Variants in MRPL1 observed in about 807,000 individuals in gnomAD.
MRPL1 encodes the protein mitochondrial ribosomal protein L1.
MRPL1 carries 28 observed loss-of-function variants against 38.0 expected under a neutral mutation model. That is an observed-to-expected ratio of 0.74 (90% CI 0.55 to 1.01). The LOEUF (loss-of-function observed/expected upper bound fraction) is 1.01, where lower values mean the gene tolerates loss of function less well. MRPL1 is among the 50% of genes least tolerant of loss of function. The pLI is 0.00. For synonymous variants in MRPL1, 123 were observed against 126.7 expected (o/e 0.97, Z 0.20); for missense variants, 358 against 389.8 (o/e 0.92, Z 0.69).
intron 4 of MRPL1, among the ~76,000 whole-genome samples, chr4:77,887,005 A>G (rs1316318631): frequency 2.6e-5 from 4 of 151,778 alleles, no homozygotes; most frequent in African/African-American, 9.7e-5. Context: ...TGGCCAGGCT[A>G]GTCTTGAACT....
intron 6 of MRPL1, among the ~76,000 whole-genome samples, chr4:77,905,783 G>A (rs1482871841): frequency 2.0e-5 from 3 of 152,026 alleles, no homozygotes; most frequent in Admixed American, 6.6e-5. Flanking sequence ...TTTTAATGCA[G>A]AACTATTTCT....
In MRPL1 at chr4:77,878,226, G is replaced by A. The variant is rs114934653; in HGVS notation, c.144-5016G>A. ...TTCAAGAAAAGTTGTGATTTTTATC[G>A]AGCTCTTTCTCGTTGTTAATGGTCT... On this transcript the variant is annotated intron_variant, in intron 2 of 8. Coordinates refer to ENST00000315567, the MANE Select transcript of MRPL1 (RefSeq NM_020236.4). 5.4e-3 allele frequency among the ~76,000 whole-genome samples: 816 copies of A among 152,190 alleles called. 7 individuals are homozygous for A. The highest frequency in any genetic ancestry group is 0.018 in the African/African-American group (767 of 41,522).
chr4:77,903,474 G>A (rs530729517), intron 6 of MRPL1, among the ~76,000 whole-genome samples: 1 of 152,292 alleles, frequency 6.6e-6, no homozygotes, highest in South Asian at 2.1e-4. Context: ...GTACTGGATG[G>A]AGGTCAGTGA....
chr4:77,870,816 GAAT>G (rs1360888265), intron 1 of MRPL1, among the ~76,000 whole-genome samples: 2 of 152,016 alleles, frequency 1.3e-5, no homozygotes, highest in African/African-American at 2.4e-5. Flanking sequence ...AAGATGAAAA[GAAT>G]AATAATAGCT....
intron 7 of MRPL1, among the ~76,000 whole-genome samples, chr4:77,931,841 C>T (rs1200629222): frequency 6.6e-6 from 1 of 151,988 alleles, no homozygotes; most frequent in Non-Finnish European, 1.5e-5. Context: ...ACCCGAACTT[C>T]AAAATGTTTT....
chr4:77,938,930 TTCAA>T, intron 7 of MRPL1, among the ~76,000 whole-genome samples: 1 of 152,344 alleles, frequency 6.6e-6, no homozygotes, highest in Non-Finnish European at 1.5e-5. Context: ...ATTTTTTTAT[TTCAA>T]TCAGTTTTTG....
rs1390098576 is a variant in MRPL1, at chr4:77,891,387, G to A, written c.559-2752G>A. 2.1e-5 allele frequency among the ~76,000 whole-genome samples: 3 copies of A among 144,758 alleles called. No individual in the cohort carries two copies. In the Admixed American group the frequency reaches 2.1e-4, roughly 10 times the overall value. 95.0% of individuals were successfully genotyped at this position (144,758 alleles called of 152,430 possible). A position where few individuals can be genotyped will look rare whatever the true frequency, so the allele number is the denominator to read the frequency against. ...TTCATTTTTTTTGAGACAGTGTGTC[G>A]TTGCATCACCCAGGCTGGAGTGCAG... On this transcript the variant is annotated intron_variant, in intron 5 of 8. Coordinates refer to ENST00000315567, the MANE Select transcript of MRPL1 (RefSeq NM_020236.4).
chr4:77,949,855 G>A lies in MRPL1; in HGVS notation c.836G>A (p.Cys279Tyr). The change falls in exon 8 of 9, where the codon TGT (cysteine) becomes TAT (tyrosine). Residue 279 changes from cysteine to tyrosine, a missense_variant. By Grantham distance (194) the Cys-to-Tyr change is radical. Coordinates refer to ENST00000315567, the MANE Select transcript of MRPL1 (RefSeq NM_020236.4). ...CTGCAAGCAGTTATTAATGAAGTTT[G>A]TAGGCACAGACCGCTGAATTTGGGT... ...ANLQAVINEVCRHRPLNLGPF... is the reference protein window; with the variant it reads ...ANLQAVINEVYRHRPLNLGPF... 6.2e-7 allele frequency: 1 copy of A among 1,610,692 alleles called. No homozygotes were observed. The highest frequency in any genetic ancestry group is 1.1e-5 in the South Asian group (1 of 90,542).
chr4:77,880,787 A>G (rs536902774), intron 2 of MRPL1, among the ~76,000 whole-genome samples: 1 of 152,308 alleles, frequency 6.6e-6, no homozygotes, highest in Admixed American at 6.5e-5. Context: ...AGCTTTTGCT[A>G]TGTAACAAAC....
At chr4:77,937,058 G>C (rs1737000940) in intron 7 of MRPL1, among the ~76,000 whole-genome samples, 1 of 152,032 alleles carries the variant, frequency 6.6e-6, no homozygotes, top group South Asian at 2.1e-4. Context: ...CCAGGAGGCC[G>C]AGGCTGTAAT....
chr4:77,951,794 C>T (rs1180401227), intron 8 of MRPL1, among the ~76,000 whole-genome samples: 2 of 152,116 alleles, frequency 1.3e-5, no homozygotes, highest in African/African-American at 2.4e-5. Context: ...TGCATGATCC[C>T]GGTGTGAGTT....
intron 3 of MRPL1, 133 bp downstream of exon 3, chr4:77,883,633 G>A (rs1239006100): frequency 5.1e-5 from 45 of 885,800 alleles, no homozygotes; most frequent in Admixed American, 1.5e-4. Flanking sequence ...GCTGGAGTGC[G>A]GTGGTATGAT....
chr4:77,934,728 G>A (rs1197022977), intron 7 of MRPL1, among the ~76,000 whole-genome samples: 1 of 152,112 alleles, frequency 6.6e-6, no homozygotes, highest in East Asian at 1.9e-4. Flanking sequence ...ACAGATGATG[G>A]CATACCCATG....
rs1216805153 is a variant in MRPL1, at chr4:77,932,054, A to G, written c.778-17743A>G. Among the ~76,000 whole-genome samples, 4 of 152,300 alleles carry G rather than the reference A, an allele frequency of 2.6e-5. No homozygotes were observed. In the East Asian group the frequency reaches 7.7e-4, roughly 29 times the overall value. ...GATTTCTTTTAGAAAAACAGTTACC[A>G]TTGGCAGCACATTCAGTGATACAGA... On this transcript the variant is annotated intron_variant, in intron 7 of 8. Transcript: ENST00000315567.
At chr4:77,863,447 T>C (rs2110224517) in intron 1 of MRPL1, among the ~76,000 whole-genome samples, 1 of 151,242 alleles carries the variant, frequency 6.6e-6, no homozygotes, top group African/African-American at 2.4e-5. Context: ...ATGACAGCCC[T>C]TTCTTGTGCA....
At position 77,923,589 on chromosome 4, in the gene MRPL1, A is replaced by C. The variant is rs147770482; in HGVS notation, c.777+14217A>C. On this transcript the variant is annotated intron_variant, in intron 7 of 8. Coordinates refer to ENST00000315567, the MANE Select transcript of MRPL1 (RefSeq NM_020236.4). ...ATATTTCTGGCCACTATCATAGTAAAAAATAATTTTTGTATCATGACTCAA... is the reference window on the plus strand; with the variant it reads ...ATATTTCTGGCCACTATCATAGTAACAAATAATTTTTGTATCATGACTCAA... Among the ~76,000 whole-genome samples, 163 of 152,266 alleles carry C rather than the reference A, an allele frequency of 1.1e-3. 1 individual carries two copies. Among genetic ancestry groups the C allele is most frequent in the African/African-American group, 3.6e-3 (151 of 41,572 alleles).
chr4:77,890,633 G>C (rs958955606), intron 5 of MRPL1, among the ~76,000 whole-genome samples: 7 of 152,176 alleles, frequency 4.6e-5, no homozygotes, highest in Non-Finnish European at 1.0e-4. Flanking sequence ...GTTCTGGCCA[G>C]GGCAATCAGG....
At chr4:77,892,688 A>G (rs564221367) in intron 5 of MRPL1, among the ~76,000 whole-genome samples, 4 of 149,688 alleles carry the variant, frequency 2.7e-5, no homozygotes, top group East Asian at 2.0e-4. Flanking sequence ...GAAATCTCAC[A>G]TACAGTTCTT....
At chr4:77,883,603 C>T in intron 3 of MRPL1, 103 bp downstream of exon 3, 1 of 1,210,266 alleles carries the variant, frequency 8.3e-7, no homozygotes, top group Non-Finnish European at 1.1e-6. Context: ...GAGACAGGGT[C>T]TTCTTGCCGT....
Sources: allele counts gnomAD v4.1 joint callset (sites outside exome capture counted in the v4.1 genomes callset), GRCh38; gene constraint gnomAD v4.1.1; transcripts MANE v1.5; gene names NCBI Gene and HGNC (gene_info 2026-07-23, HGNC 2026-07-21).